TAFA5: variants seen among roughly 807,000 people sequenced by gnomAD.
TAFA5 encodes the protein chemokine-like protein TAFA-5.
Under a neutral mutation model 15.3 loss-of-function variants are expected in TAFA5, and 6 were observed. The observed-to-expected ratio is 0.39, with a 90% CI of 0.21 to 0.77. TAFA5 has a LOEUF of 0.77. TAFA5 is among the 30% of genes least tolerant of loss of function. The pLI is 0.41. For synonymous variants in TAFA5, 103 were observed against 80.7 expected, an observed-to-expected ratio of 1.28 and a Z score of -1.48; for missense variants, 161 against 193.1, an observed-to-expected ratio of 0.83 and a Z score of 0.98.
chr22:48,734,558 G>A (rs1929955004), intron 3 of TAFA5, among the ~76,000 whole-genome samples: 1 of 152,264 alleles, frequency 6.6e-6, no homozygotes, highest in African/African-American at 2.4e-5. Flanking sequence ...GCGGCTCTGG[G>A]CTTTGGGGCG....
chr22:48,498,733 G>T (rs1260179123), intron 1 of TAFA5, among the ~76,000 whole-genome samples: 1 of 152,120 alleles, frequency 6.6e-6, no homozygotes, highest in Non-Finnish European at 1.5e-5. Context: ...TGATGCCAGG[G>T]GCCCCTCCTC....
At chr22:48,608,102 C>T (rs2147171103) in intron 1 of TAFA5, among the ~76,000 whole-genome samples, 1 of 151,846 alleles carries the variant, frequency 6.6e-6, no homozygotes, top group South Asian at 2.1e-4. Context: ...CCCAGGCTGC[C>T]AGCCCCTCCC....
At chr22:48,568,403 T>C (rs73173414) in intron 1 of TAFA5, among the ~76,000 whole-genome samples, 31 of 152,334 alleles carry the variant, frequency 2.0e-4, no homozygotes, top group Non-Finnish European at 2.8e-4. Flanking sequence ...CCAGCCCTGC[T>C]GGGGCATCTA....
At chr22:48,682,002 C>T (rs1928206725) in intron 2 of TAFA5, among the ~76,000 whole-genome samples, 1 of 63,524 alleles carries the variant, frequency 1.6e-5, no homozygotes, top group South Asian at 5.4e-4. Context: ...ACTGGAGACT[C>T]GGGGCCTCCC....
rs1250432089 is a variant in TAFA5, at chr22:48,709,249, C to G, written c.390+1405C>G. Among the ~76,000 whole-genome samples the G allele has an allele frequency of 3.3e-5, 5 of 152,172 alleles. No homozygotes were observed. In the East Asian group the frequency reaches 9.7e-4, roughly 29 times the overall value. Reference sequence around the variant, plus strand: ...GATGAGGGACGTGGGTTGCTCTAAGCTGAGGTCCTGGGCTTTGCCTGGTCA... The same window carrying G: ...GATGAGGGACGTGGGTTGCTCTAAGGTGAGGTCCTGGGCTTTGCCTGGTCA... On this transcript the variant is annotated intron_variant, in intron 3 of 3. Transcript: ENST00000402357.
At chr22:48,535,454 T>A (rs1397174102) in intron 1 of TAFA5, among the ~76,000 whole-genome samples, 1 of 152,282 alleles carries the variant, frequency 6.6e-6, no homozygotes, top group Non-Finnish European at 1.5e-5. Context: ...ATGTACACAG[T>A]CTGTGTTGCT....
intron 1 of TAFA5, among the ~76,000 whole-genome samples, chr22:48,547,771 G>A (rs1242345136): frequency 6.6e-6 from 1 of 152,194 alleles, no homozygotes; most frequent in Non-Finnish European, 1.5e-5. Context: ...TGCGGAGTCC[G>A]AGACTCTGGG....
intron 1 of TAFA5, among the ~76,000 whole-genome samples, chr22:48,522,578 C>G (rs561670035): frequency 6.6e-6 from 1 of 152,238 alleles, no homozygotes; most frequent in East Asian, 1.9e-4. Flanking sequence ...GGTTAGGCCC[C>G]CAACCTCGAG....
intron 3 of TAFA5, among the ~76,000 whole-genome samples, chr22:48,749,139 G>A (rs544703961): frequency 6.6e-5 from 10 of 152,138 alleles, no homozygotes; most frequent in African/African-American, 1.4e-4. Context: ...TGCGTCTCCC[G>A]GGCAAGGAGC....
rs183317019 is a variant in TAFA5 at position 48,598,978 on chromosome 22, G to A, written c.113-47619G>A. On this transcript the variant is annotated intron_variant, in intron 1 of 3. Transcript: ENST00000402357. This position sits in a 1 kb window ranked among gnomAD's most constrained non-coding sequence, Gnocchi z 4.0. ...CCCTGCTTGTTGTAAAGGGTATGAC[G>A]GGCTGTGCCAGCTGGCAGAGGTGCA... Among the ~76,000 whole-genome samples, 1,323 of 145,016 alleles carry A rather than the reference G, an allele frequency of 9.1e-3. 22 individuals are homozygous for A. The highest frequency in any genetic ancestry group is 0.036 in the African/African-American group (1,237 of 34,798).
At chr22:48,521,830 T>A (rs1921611113) in intron 1 of TAFA5, among the ~76,000 whole-genome samples, 1 of 152,212 alleles carries the variant, frequency 6.6e-6, no homozygotes, top group Non-Finnish European at 1.5e-5. Context: ...CTCTCTGCGT[T>A]CACCTGGCAT....
chr22:48,494,866 TGG>T (rs1397841204), intron 1 of TAFA5, among the ~76,000 whole-genome samples: 1 of 152,218 alleles, frequency 6.6e-6, no homozygotes. Flanking sequence ...CCGGCGAATG[TGG>T]TAGAGGGCTC....
intron 3 of TAFA5, among the ~76,000 whole-genome samples, chr22:48,723,935 GATTAGAATCCAGC>G (rs1398737474): frequency 6.6e-6 from 1 of 152,070 alleles, no homozygotes. Flanking sequence ...CTACATGCCC[GATTAGAATCCAGC>G]ATTAGAATGA....
intron 2 of TAFA5, among the ~76,000 whole-genome samples, chr22:48,673,954 G>A (rs890609005): frequency 6.6e-6 from 1 of 152,128 alleles, no homozygotes; most frequent in African/African-American, 2.4e-5. Flanking sequence ...CGGGTGTCTA[G>A]TGAGGGCCCG....
intron 1 of TAFA5, chr22:48,576,300 G>T (rs977984015): frequency 9.1e-7 from 1 of 1,103,162 alleles, no homozygotes; most frequent in Non-Finnish European, 1.1e-6. Context: ...CCTCCCCCCT[G>T]CCCAGAAAGA....
intron 1 of TAFA5, among the ~76,000 whole-genome samples, chr22:48,606,204 A>G (rs937832565): frequency 6.6e-6 from 1 of 152,156 alleles, no homozygotes. Flanking sequence ...GGACCCCAAA[A>G]TCCCACCTCC....
At chr22:48,704,200 G>GCACACACACA (rs61363637) in intron 2 of TAFA5, among the ~76,000 whole-genome samples, 6 of 150,108 alleles carry the variant, frequency 4.0e-5, no homozygotes, top group African/African-American at 9.8e-5. Flanking sequence ...ACACACACGC[G>GCACACACACA]CACACACACA....
At chr22:48,625,702 A>G (rs1220155522) in intron 1 of TAFA5, among the ~76,000 whole-genome samples, 1 of 152,168 alleles carries the variant, frequency 6.6e-6, no homozygotes, top group East Asian at 1.9e-4. Flanking sequence ...AACCTAGTAA[A>G]TGATATTTTA....
At chr22:48,707,279 C>A (rs527728906) in intron 2 of TAFA5, among the ~76,000 whole-genome samples, 1 of 152,314 alleles carries the variant, frequency 6.6e-6, no homozygotes, top group Non-Finnish European at 1.5e-5. Flanking sequence ...AGCCTGGGCC[C>A]CCTTGTTCCC....
Sources: gnomAD v4.1 joint callset for allele counts (sites outside exome capture counted in the v4.1 genomes callset) on GRCh38, gnomAD v4.1.1 for gene constraint, Gnocchi (gnomAD v3.1) non-coding constraint, MANE v1.5 for transcripts, NCBI Gene and HGNC (gene_info 2026-07-23, HGNC 2026-07-21) for gene names.